SLC24A3: variants seen among roughly 807,000 people sequenced by gnomAD.
SLC24A3 encodes the protein solute carrier family 24 member 3, also known as sodium/potassium/calcium exchanger 3.
SLC24A3 carries 28 observed loss-of-function variants against 75.8 expected under a neutral mutation model. The observed-to-expected ratio is 0.37, with a 90% CI of 0.27 to 0.51. SLC24A3 has a LOEUF of 0.51. Among genes scored for constraint, SLC24A3 ranks in the 20% least tolerant of loss-of-function variants. SLC24A3 has a pLI of 0.94. For synonymous variants in SLC24A3, 372 were observed against 334.1 expected (o/e 1.11, Z -1.24); for missense variants, 663 against 847.8 (o/e 0.78, Z 2.71).
chr20:19,310,661 GAC>G (rs1184625772), intron 2 of SLC24A3, among the ~76,000 whole-genome samples: 1 of 152,234 alleles, frequency 6.6e-6, no homozygotes, highest in African/African-American at 2.4e-5. Flanking sequence ...GCCTTGCTGA[GAC>G]AGTCATTATC....
intron 2 of SLC24A3, among the ~76,000 whole-genome samples, chr20:19,301,975 A>G (rs1984207036): frequency 6.6e-6 from 1 of 152,254 alleles, no homozygotes; most frequent in African/African-American, 2.4e-5. Flanking sequence ...GGAACCGGGC[A>G]TTTGTTGAGT....
chr20:19,247,265 G>A (rs1982521313), intron 1 of SLC24A3, among the ~76,000 whole-genome samples: 1 of 152,076 alleles, frequency 6.6e-6, no homozygotes. Context: ...TCCATTTTAG[G>A]TACAGAAAGA....
intron 16 of SLC24A3, among the ~76,000 whole-genome samples, chr20:19,718,722 A>G (rs1473083915): frequency 6.6e-6 from 1 of 152,194 alleles, no homozygotes; most frequent in African/African-American, 2.4e-5. Context: ...GAAGAGAGGC[A>G]GGTTTGGGGG....
At chr20:19,607,718 C>T (rs1422754593) in intron 6 of SLC24A3, among the ~76,000 whole-genome samples, 1 of 152,168 alleles carries the variant, frequency 6.6e-6, no homozygotes, top group East Asian at 1.9e-4. Context: ...CACTCCAGAC[C>T]TCCACTCTTG....
At chr20:19,450,251 A>G (rs186863978) in intron 2 of SLC24A3, among the ~76,000 whole-genome samples, 154 of 152,378 alleles carry the variant, frequency 1.0e-3, no homozygotes, top group African/African-American at 3.6e-3. Flanking sequence ...TGCTTCCAAC[A>G]GTCAGACAGT....
At chr20:19,515,425 A>G in intron 2 of SLC24A3, 63 bp from the exon 3 acceptor site, 21 of 1,509,598 alleles carry the variant, frequency 1.4e-5, no homozygotes, top group Non-Finnish European at 1.8e-5. Context: ...CAAGACTCCC[A>G]GACCTACAGC....
chr20:19,544,002 G>A (rs1025899575), intron 3 of SLC24A3, among the ~76,000 whole-genome samples: 7 of 152,112 alleles, frequency 4.6e-5, no homozygotes, highest in Non-Finnish European at 1.0e-4. Flanking sequence ...TCTTTGTCAG[G>A]TGAAGAGTTT....
chr20:19,587,452 A>C (rs2031313791), intron 6 of SLC24A3, among the ~76,000 whole-genome samples: 1 of 152,180 alleles, frequency 6.6e-6, no homozygotes. Context: ...GGCTCACCTC[A>C]CAACCCTGTA....
At chr20:19,461,360 C>T (rs1987667773) in intron 2 of SLC24A3, among the ~76,000 whole-genome samples, 1 of 152,062 alleles carries the variant, frequency 6.6e-6, no homozygotes, top group Non-Finnish European at 1.5e-5. Context: ...TATATATATA[C>T]ACACAAATAT....
At chr20:19,260,328 C>T (rs905854922) in intron 1 of SLC24A3, among the ~76,000 whole-genome samples, 3 of 152,160 alleles carry the variant, frequency 2.0e-5, no homozygotes, top group Non-Finnish European at 4.4e-5. Flanking sequence ...ACACCCAGCT[C>T]TCAAAGCTGT....
At chr20:19,627,898 T>C (rs886754576) in intron 6 of SLC24A3, among the ~76,000 whole-genome samples, 2 of 151,846 alleles carry the variant, frequency 1.3e-5, no homozygotes, top group African/African-American at 4.8e-5. Context: ...AATCAGTCAC[T>C]GAGAAGAAAA....
intron 2 of SLC24A3, among the ~76,000 whole-genome samples, chr20:19,427,742 T>A (rs1423600149): frequency 6.6e-6 from 1 of 151,992 alleles, no homozygotes; most frequent in Non-Finnish European, 1.5e-5. Flanking sequence ...TGGAAAAAAG[T>A]ATTTGCTGGA....
chr20:19,493,728 G>C (rs1988239015), intron 2 of SLC24A3, among the ~76,000 whole-genome samples: 1 of 152,154 alleles, frequency 6.6e-6, no homozygotes, highest in Admixed American at 6.5e-5. Flanking sequence ...GGGGGGATCA[G>C]TTAGGCTAAG....
intron 6 of SLC24A3, among the ~76,000 whole-genome samples, chr20:19,597,633 G>T (rs1214277998): frequency 6.6e-6 from 1 of 151,922 alleles, no homozygotes; most frequent in Non-Finnish European, 1.5e-5. Flanking sequence ...GTTCATTGTG[G>T]TCACCCTACT....
At chr20:19,475,859 T>C (rs535347390) in intron 2 of SLC24A3, among the ~76,000 whole-genome samples, 2 of 152,352 alleles carry the variant, frequency 1.3e-5, no homozygotes, top group Non-Finnish European at 2.9e-5. Context: ...TCCTACTCTA[T>C]ACTTGGAAAT....
chr20:19,264,338 C>T (rs1983093604), intron 1 of SLC24A3, among the ~76,000 whole-genome samples: 2 of 152,088 alleles, frequency 1.3e-5, no homozygotes, highest in Admixed American at 1.3e-4. Context: ...GTGCCATGGG[C>T]AGTTCAGTGT....
intron 3 of SLC24A3, among the ~76,000 whole-genome samples, chr20:19,542,510 G>A (rs1228118725): frequency 6.6e-6 from 1 of 152,164 alleles, no homozygotes; most frequent in African/African-American, 2.4e-5. Flanking sequence ...TGTTGCTTAT[G>A]ACTGCAAGAT....
At chr20:19,246,587 G>A (rs529713795) in intron 1 of SLC24A3, among the ~76,000 whole-genome samples, 2 of 152,198 alleles carry the variant, frequency 1.3e-5, no homozygotes, top group South Asian at 2.1e-4. Context: ...ACAAGAAATC[G>A]AAAATGTGAA....
At chr20:19,383,381 GT>G (rs374174130) in intron 2 of SLC24A3, among the ~76,000 whole-genome samples, 64 of 150,134 alleles carry the variant, frequency 4.3e-4, no homozygotes, top group African/African-American at 8.0e-4. Context: ...TGGAAGTTAA[GT>G]TTTTTTTTTC....
Sources: allele counts gnomAD v4.1 joint callset (sites outside exome capture counted in the v4.1 genomes callset), GRCh38; gene constraint gnomAD v4.1.1; transcripts MANE v1.5; gene names NCBI Gene and HGNC (gene_info 2026-07-23, HGNC 2026-07-21).